TRAF3: variants seen among roughly 807,000 people sequenced by gnomAD.
TRAF3 encodes the protein TNF receptor associated factor 3.
A neutral mutation model predicts 62.3 loss-of-function variants in TRAF3; 13 were observed. That is an observed-to-expected ratio of 0.21 (90% CI 0.14 to 0.33). TRAF3 has a LOEUF of 0.33. Among genes scored for constraint, TRAF3 ranks in the 10% least tolerant of loss-of-function variants. The probability of loss-of-function intolerance (pLI) is 1.00; values close to 1 mark genes in which losing one functional copy is unlikely to be tolerated. For missense variants in TRAF3, 440 were observed against 741.8 expected, an observed-to-expected ratio of 0.59 and a Z score of 4.73; for synonymous variants, 269 against 283.4, an observed-to-expected ratio of 0.95 and a Z score of 0.51.
chr14:102,813,433 C>T (rs915918009), intron 1 of TRAF3, among the ~76,000 whole-genome samples: 4 of 151,718 alleles, frequency 2.6e-5, no homozygotes, highest in Non-Finnish European at 5.9e-5. Flanking sequence ...CCCCCTGCCC[C>T]GGCTTTTTTC....
chr14:102,838,779 G>A (rs1353577076), intron 2 of TRAF3, among the ~76,000 whole-genome samples: 2 of 152,174 alleles, frequency 1.3e-5, no homozygotes, highest in Non-Finnish European at 2.9e-5. Flanking sequence ...AGCAGCAGAT[G>A]TAAAGGGAAG....
intron 9 of TRAF3, among the ~76,000 whole-genome samples, chr14:102,891,709 T>G (rs988436471): frequency 5.4e-5 from 8 of 148,682 alleles, no homozygotes; most frequent in South Asian, 2.1e-4. Context: ...CACCCTGCTG[T>G]TTTTTTTTTG....
At chr14:102,860,326 A>G (rs1026012623) in intron 2 of TRAF3, among the ~76,000 whole-genome samples, 1 of 152,230 alleles carries the variant, frequency 6.6e-6, no homozygotes, top group Non-Finnish European at 1.5e-5. Flanking sequence ...AGAGCCATAG[A>G]TTTTGAGAGG....
chr14:102,778,964 C>T lies in TRAF3; in HGVS notation c.-157+1289C>T, dbSNP rs544810846. Among the ~76,000 whole-genome samples, 3 of 152,274 alleles carry T rather than the reference C, an allele frequency of 2.0e-5. No individual in the cohort carries two copies. In the South Asian group the frequency reaches 6.2e-4, roughly 32 times the overall value. On this transcript the variant is annotated intron_variant, in intron 1 of 11. Coordinates refer to ENST00000392745, the MANE Select transcript of TRAF3 (RefSeq NM_145725.3). Reference sequence around the variant, plus strand: ...TTTCTCAAATGAGAGGAAATGTGTACCTTTTCGCCGCGTTGTGACAATGTA... The same window carrying T: ...TTTCTCAAATGAGAGGAAATGTGTATCTTTTCGCCGCGTTGTGACAATGTA...
chr14:102,819,233 G>A (rs1446712278), intron 1 of TRAF3, among the ~76,000 whole-genome samples: 2 of 151,930 alleles, frequency 1.3e-5, no homozygotes, highest in Admixed American at 1.3e-4. Context: ...GGCTGTCCCT[G>A]TTCCTTGGGT....
chr14:102,794,252 G>A (rs1200299487), intron 1 of TRAF3, among the ~76,000 whole-genome samples: 2 of 152,092 alleles, frequency 1.3e-5, no homozygotes, highest in African/African-American at 4.8e-5. Flanking sequence ...ATAGCTCACT[G>A]CAGCCTCAAA....
rs1165346141 is a variant in TRAF3 at position 102,870,354 on chromosome 14, C to T, written c.153C>T (p.Tyr51=). The stretch of plus-strand genomic sequence containing the variant: ...TTGTGAAGACCGTGGAGGACAAGTA[C>T]AAGTGTGAGAAGTGCCACCTGGTGC... The part of the protein sequence containing the change: ...EKFVKTVEDK[Y]KCEKCHLVLC... The change falls in exon 3 of 12, where the codon TAC becomes TAT. Residue 51 remains tyrosine (Y), a synonymous_variant. Coordinates refer to ENST00000392745, the MANE Select transcript of TRAF3 (RefSeq NM_145725.3). The T allele has an allele frequency of 9.9e-6, 16 of 1,614,184 alleles. No homozygotes were observed. The highest frequency in any genetic ancestry group is 1.4e-5 in the Non-Finnish European group (16 of 1,180,028).
chr14:102,779,653 G>C (rs538390293), intron 1 of TRAF3, among the ~76,000 whole-genome samples: 1 of 152,282 alleles, frequency 6.6e-6, no homozygotes, highest in East Asian at 1.9e-4. Flanking sequence ...ATATTGTCAG[G>C]TTAGGTGAGA....
At chr14:102,835,065 AAAC>A (rs1254314664) in intron 2 of TRAF3, among the ~76,000 whole-genome samples, 2 of 152,192 alleles carry the variant, frequency 1.3e-5, no homozygotes, top group African/African-American at 4.8e-5. Context: ...ACAAGAAAAA[AAAC>A]AACCCCATTA....
chr14:102,814,407 C>T (rs1320075879), intron 1 of TRAF3, among the ~76,000 whole-genome samples: 2 of 152,148 alleles, frequency 1.3e-5, no homozygotes, highest in Non-Finnish European at 2.9e-5. Flanking sequence ...CTCAGCATTG[C>T]TTTGGCTATT....
At chr14:102,897,501 C>A in intron 10 of TRAF3, 100 bp downstream of exon 10, 2 of 1,476,436 alleles carry the variant, frequency 1.4e-6, no homozygotes, top group Admixed American at 1.9e-5. Flanking sequence ...AGTCCTTGAC[C>A]TTTGCAAGCA....
chr14:102,784,032 G>A (rs557258843), intron 1 of TRAF3, among the ~76,000 whole-genome samples: 1 of 152,114 alleles, frequency 6.6e-6, no homozygotes, highest in Non-Finnish European at 1.5e-5. Flanking sequence ...TTGTTAGTTA[G>A]GGACCACAGA....
chr14:102,783,573 G>C (rs554258050), intron 1 of TRAF3, among the ~76,000 whole-genome samples: 8 of 152,274 alleles, frequency 5.3e-5, no homozygotes, highest in Non-Finnish European at 1.0e-4. Flanking sequence ...TGCCCATTAA[G>C]TTTTATCTTA....
At chr14:102,869,061 A>G (rs1888172614) in intron 2 of TRAF3, among the ~76,000 whole-genome samples, 1 of 152,180 alleles carries the variant, frequency 6.6e-6, no homozygotes, top group Non-Finnish European at 1.5e-5. Flanking sequence ...CCTTGGGCAC[A>G]TTGGCACCTA....
intron 1 of TRAF3, among the ~76,000 whole-genome samples, chr14:102,802,943 G>A (rs774406301): frequency 2.0e-5 from 3 of 152,196 alleles, no homozygotes; most frequent in Non-Finnish European, 4.4e-5. Context: ...CATGGTGGAA[G>A]GGGAAGCAAA....
At chr14:102,820,372 C>T (rs781278344) in intron 1 of TRAF3, among the ~76,000 whole-genome samples, 20 of 151,718 alleles carry the variant, frequency 1.3e-4, no homozygotes, top group Non-Finnish European at 2.1e-4. Flanking sequence ...ACTTGGGTGC[C>T]GGGGCCCCCT....
At chr14:102,789,406 T>A (rs1188798826) in intron 1 of TRAF3, among the ~76,000 whole-genome samples, 1 of 152,238 alleles carries the variant, frequency 6.6e-6, no homozygotes, top group Admixed American at 6.5e-5. Context: ...TACGGTAATA[T>A]CGTGTTTAAC....
chr14:102,807,361 G>A (rs1455842956), intron 1 of TRAF3, among the ~76,000 whole-genome samples: 1 of 152,170 alleles, frequency 6.6e-6, no homozygotes, highest in Non-Finnish European at 1.5e-5. Flanking sequence ...GGGGCCTGGG[G>A]CCTCAGTCTC....
intron 2 of TRAF3, among the ~76,000 whole-genome samples, chr14:102,839,131 C>T (rs1340449196): frequency 2.7e-5 from 4 of 150,418 alleles, no homozygotes; most frequent in East Asian, 1.9e-4. Context: ...GAGTTCGGAA[C>T]GCCTACAAAA....
Sources: gnomAD v4.1 joint callset for allele counts (sites outside exome capture counted in the v4.1 genomes callset) on GRCh38, gnomAD v4.1.1 for gene constraint, MANE v1.5 for transcripts, NCBI Gene and HGNC (gene_info 2026-07-23, HGNC 2026-07-21) for gene names.